Variants in CFAP44 observed in about 807,000 individuals in gnomAD.
CFAP44 encodes the protein cilia and flagella associated protein 44.
In CFAP44, 134 loss-of-function variants were observed where a neutral mutation model predicts 216.2. The observed-to-expected ratio is 0.62, with a 90% CI of 0.54 to 0.72. CFAP44 has a LOEUF of 0.72. Ranked by LOEUF, CFAP44 falls within the 30% of genes least tolerant of loss-of-function variation. The pLI, the probability that CFAP44 is intolerant of heterozygous loss-of-function variation, is 0.00. For synonymous variants in CFAP44, 700 were observed against 727.6 expected (o/e 0.96, Z 0.61); for missense variants, 2,035 against 2,182.1 (o/e 0.93, Z 1.34).
intron 6 of CFAP44, among the ~76,000 whole-genome samples, chr3:113,413,404 T>C (rs1041895375): frequency 2.0e-5 from 3 of 152,354 alleles, no homozygotes; most frequent in African/African-American, 2.4e-5. Context: ...TTGGCTTTTG[T>C]TGCAATTGCT....
chr3:113,317,579 C>T (rs1378390702), intron 28 of CFAP44, among the ~76,000 whole-genome samples: 2 of 152,220 alleles, frequency 1.3e-5, no homozygotes, highest in Non-Finnish European at 2.9e-5. Context: ...TTGGATCCCC[C>T]AGTGCAGCTG....
At chr3:113,304,553 T>C (rs1209915111) in intron 31 of CFAP44, among the ~76,000 whole-genome samples, 1 of 152,244 alleles carries the variant, frequency 6.6e-6, no homozygotes. Context: ...TAATGATATG[T>C]ATTCCTGCAA....
intron 15 of CFAP44, among the ~76,000 whole-genome samples, chr3:113,390,762 A>G (rs1021330177): frequency 1.3e-5 from 2 of 152,062 alleles, no homozygotes; most frequent in African/African-American, 4.8e-5. Context: ...CAAATAAAAT[A>G]AAATACATAG....
chr3:113,332,382 G>A (rs1027931639), intron 25 of CFAP44, among the ~76,000 whole-genome samples: 12 of 152,156 alleles, frequency 7.9e-5, no homozygotes, highest in African/African-American at 1.2e-4. Flanking sequence ...GTGCTGCTGG[G>A]ATGCATCTCT....
At chr3:113,356,729 T>C (rs1008304259) in intron 22 of CFAP44, among the ~76,000 whole-genome samples, 1 of 152,154 alleles carries the variant, frequency 6.6e-6, no homozygotes, top group Non-Finnish European at 1.5e-5. Flanking sequence ...AACAGAATTA[T>C]TTTATGAATT....
chr3:113,344,458 A>G, intron 23 of CFAP44, 58 bp downstream of exon 23: 1 of 1,433,024 alleles, frequency 7.0e-7, no homozygotes. Context: ...GTCCACAGAC[A>G]ATTCACTTTT....
At chr3:113,421,716 T>C (rs1934820052) in intron 4 of CFAP44, among the ~76,000 whole-genome samples, 1 of 152,050 alleles carries the variant, frequency 6.6e-6, no homozygotes, top group African/African-American at 2.4e-5. Flanking sequence ...GCCATTATCC[T>C]AAGCAAATTA....
At chr3:113,398,541 T>C (rs1934054052) in intron 13 of CFAP44, among the ~76,000 whole-genome samples, 1 of 152,170 alleles carries the variant, frequency 6.6e-6, no homozygotes, top group Non-Finnish European at 1.5e-5. Flanking sequence ...ATTACCTGGA[T>C]TGTAGTTTTA....
chr3:113,380,265 G>A (rs527428270), intron 16 of CFAP44, among the ~76,000 whole-genome samples: 38 of 152,160 alleles, frequency 2.5e-4, no homozygotes, highest in Non-Finnish European at 4.4e-4. Context: ...CATTTAAGGA[G>A]CTCCATGCAT....
chr3:113,390,535 A>G (rs1165589007), intron 15 of CFAP44, among the ~76,000 whole-genome samples: 2 of 152,108 alleles, frequency 1.3e-5, no homozygotes, highest in Non-Finnish European at 2.9e-5. Context: ...CATCCAAACT[A>G]GAAAGAAAGA....
Position 113,363,257 on chromosome 3 carries a change from ACTT to A in CFAP44, c.2819_2821del (p.Glu940del), listed in dbSNP as rs776487447. On this transcript the variant is annotated inframe_deletion, in exon 21 of 35. Transcript: ENST00000393845. ...TCTCTTCCGTGCCTTTATTTCTCCC[ACTT>A]CTTTCATTAACTTGTCATGTTCTCT... 6.2e-7 allele frequency: 1 copy of A among 1,612,692 alleles called. No homozygotes were observed. Among genetic ancestry groups the A allele is most frequent in the South Asian group, 1.1e-5 (1 of 90,558 alleles).
Position 113,327,677 on chromosome 3 carries a change from T to C in CFAP44, c.4259A>G (p.Lys1420Arg). ...ACGTTCTTGAAGTATGTTCTCCTGT[T>C]TTTCAAAATTCTTCAGGAGAAGTAT... Reference protein sequence around the residue: ...QEILLLKNFEKQENILQERVN... With the variant: ...QEILLLKNFERQENILQERVN... The change falls in exon 27 of 35, where the codon AAA (lysine) becomes AGA (arginine). Residue 1420 changes from lysine (K) to arginine (R), a missense_variant. Around this residue, in one of 3 missense-constraint regions of CFAP44, gnomAD observed 1,883 missense variants for 2,023.7 expected, o/e 0.93. Transcript: ENST00000393845. 1 of 1,537,068 alleles carries C rather than the reference T, an allele frequency of 6.5e-7. No individual in the cohort carries two copies. Among genetic ancestry groups the C allele is most frequent in the East Asian group, 2.4e-5 (1 of 40,886 alleles).
chr3:113,401,436 C>CA, intron 10 of CFAP44, 148 bp downstream of exon 10: 1 of 1,206,018 alleles, frequency 8.3e-7, no homozygotes, highest in Non-Finnish European at 1.1e-6. Flanking sequence ...TTAATAAAAA[C>CA]AACTTCTATA....
rs543119277 is a variant in CFAP44, at chr3:113,382,429, G to T, written c.1891-1369C>A. Among the ~76,000 whole-genome samples the T allele has an allele frequency of 2.4e-4, 37 of 152,294 alleles. 1 individual carries two copies. The highest frequency in any genetic ancestry group is 8.4e-4 in the African/African-American group (35 of 41,570). On this transcript the variant is annotated intron_variant, in intron 15 of 34. Transcript: ENST00000393845. ...AAGTCAGGTAAGAGCACATAAAGGA[G>T]AGAGTGATAGATAAGGAAATGGAAT...
intron 6 of CFAP44, among the ~76,000 whole-genome samples, chr3:113,416,188 G>T (rs1003412687): frequency 7.3e-5 from 11 of 150,542 alleles, no homozygotes; most frequent in Non-Finnish European, 1.3e-4. Context: ...GTGTTTTTTT[G>T]TTTTTTTTTC....
In CFAP44 at chr3:113,363,552, AG is replaced by A. The variant is rs749410449; in HGVS notation, c.2716-21del. On this transcript the variant is annotated intron_variant, in intron 19 of 34. Transcript: ENST00000393845. The stretch of plus-strand genomic sequence containing the variant: ...TCCAAACTATAGGAAGGGAAGTAAA[AG>A]GTTAGCCCTTTAAAATTGCATAGCA... 8.9e-6 allele frequency: 14 copies of A among 1,576,396 alleles called. No homozygotes were observed. In the East Asian group the frequency reaches 2.7e-4, roughly 31 times the overall value.
intron 28 of CFAP44, among the ~76,000 whole-genome samples, chr3:113,324,124 C>G (rs1405318853): frequency 6.6e-6 from 1 of 150,428 alleles, no homozygotes; most frequent in African/African-American, 2.4e-5. Context: ...AATTTAAAAA[C>G]TCCCCCAAAA....
chr3:113,347,523 T>A (rs1293783715), intron 22 of CFAP44, among the ~76,000 whole-genome samples: 2 of 152,058 alleles, frequency 1.3e-5, no homozygotes, highest in South Asian at 2.1e-4. Context: ...GTTTCTCCTA[T>A]AATGATTTCT....
chr3:113,307,900 A>G (rs1387226100), intron 29 of CFAP44, among the ~76,000 whole-genome samples: 2 of 152,186 alleles, frequency 1.3e-5, no homozygotes, highest in Non-Finnish European at 2.9e-5. Context: ...GAATAGCTTG[A>G]ACCCGGGAGG....
Sources: allele counts gnomAD v4.1 joint callset (sites outside exome capture counted in the v4.1 genomes callset), GRCh38; gene constraint gnomAD v4.1.1; regional missense constraint gnomAD v4.1.1; transcripts MANE v1.5; gene names NCBI Gene and HGNC (gene_info 2026-07-23, HGNC 2026-07-21).